The following TRPM3 variants were observed in gnomAD, a reference collection of about 807,000 sequenced individuals.
The protein encoded by TRPM3 is long transient receptor potential channel 3.
Under a neutral mutation model 181.2 loss-of-function variants are expected in TRPM3, and 77 were observed. The observed-to-expected ratio is 0.42, with a 90% CI of 0.35 to 0.51. The LOEUF (loss-of-function observed/expected upper bound fraction) is 0.51. Among genes scored for constraint, TRPM3 ranks in the 20% least tolerant of loss-of-function variants. TRPM3 has a pLI of 0.01. For synonymous variants in TRPM3, 745 were observed against 796.4 expected, an observed-to-expected ratio of 0.94 and a Z score of 1.09; for missense variants, 1,759 against 2,196.7, an observed-to-expected ratio of 0.80 and a Z score of 3.98.
rs912708271 is a variant in TRPM3 at position 71,406,111 on chromosome 9, T to C, written c.183+40542A>G. ...TAACATGGTGAAACCCTGTTTCTAC[T>C]AAAAATACAACAACAACACAAAAGT... On this transcript the variant is annotated intron_variant, in intron 1 of 24. Coordinates refer to the TRPM3 transcript ENST00000357533. Among the ~76,000 whole-genome samples, 10 of 152,276 alleles carry C rather than the reference T, an allele frequency of 6.6e-5. 1 individual carries two copies. In the South Asian group the frequency reaches 1.5e-3, roughly 22 times the overall value.
At chr9:71,420,580 GAGAA>G (rs1021475123) in intron 1 of TRPM3, among the ~76,000 whole-genome samples, 8 of 131,570 alleles carry the variant, frequency 6.1e-5, no homozygotes, top group East Asian at 2.2e-4. Flanking sequence ...AGAAGAGAAA[GAGAA>G]AGAAAAAGAG....
intron 1 of TRPM3, among the ~76,000 whole-genome samples, chr9:70,956,837 G>A (rs983264102): frequency 1.3e-4 from 19 of 150,960 alleles, no homozygotes; most frequent in African/African-American, 4.4e-4. Flanking sequence ...AGTGAGCTGT[G>A]ATCACACCAA....
At chr9:71,311,488 G>A (rs2132401759) in intron 1 of TRPM3, among the ~76,000 whole-genome samples, 1 of 152,242 alleles carries the variant, frequency 6.6e-6, no homozygotes, top group South Asian at 2.1e-4. Flanking sequence ...CTTTGGCTAA[G>A]GAGCAAAGGC....
At chr9:71,439,415 C>T (rs1279595750) in intron 1 of TRPM3, among the ~76,000 whole-genome samples, 1 of 152,188 alleles carries the variant, frequency 6.6e-6, no homozygotes, top group Non-Finnish European at 1.5e-5. Context: ...CATCAATACA[C>T]TTAATGTTCA....
At chr9:70,869,896 G>A (rs993771437) in intron 1 of TRPM3, among the ~76,000 whole-genome samples, 1 of 152,052 alleles carries the variant, frequency 6.6e-6, no homozygotes, top group Non-Finnish European at 1.5e-5. Context: ...TCATCCAAGA[G>A]TGAATATTTT....
At chr9:70,701,414 T>G (rs2072517090) in intron 8 of TRPM3, among the ~76,000 whole-genome samples, 1 of 152,146 alleles carries the variant, frequency 6.6e-6, no homozygotes, top group African/African-American at 2.4e-5. Flanking sequence ...GCCTCCCTGA[T>G]TTCTAATTGC....
intron 1 of TRPM3, among the ~76,000 whole-genome samples, chr9:71,145,870 T>C (rs1458684732): frequency 6.6e-6 from 1 of 151,688 alleles, no homozygotes; most frequent in African/African-American, 2.4e-5. Flanking sequence ...ACATTAAAAT[T>C]CCCCCCTCAT....
chr9:71,045,731 G>C (rs775913597), intron 1 of TRPM3, among the ~76,000 whole-genome samples: 1 of 152,162 alleles, frequency 6.6e-6, no homozygotes, highest in Non-Finnish European at 1.5e-5. Flanking sequence ...ATTGTGAAGA[G>C]TTCTAAACAC....
chr9:71,379,375 A>G (rs1365902360), intron 1 of TRPM3, among the ~76,000 whole-genome samples: 1 of 152,070 alleles, frequency 6.6e-6, no homozygotes, highest in African/African-American at 2.4e-5. Flanking sequence ...TCATTGCTTC[A>G]CAATCCTTTA....
intron 1 of TRPM3, among the ~76,000 whole-genome samples, chr9:71,035,501 G>A (rs2058070905): frequency 2.0e-5 from 3 of 152,200 alleles, no homozygotes; most frequent in African/African-American, 7.2e-5. Context: ...CAGATCACTT[G>A]AGGCCAGGAG....
chr9:71,425,658 C>T (rs1280522876), intron 1 of TRPM3, among the ~76,000 whole-genome samples: 1 of 152,116 alleles, frequency 6.6e-6, no homozygotes, highest in Non-Finnish European at 1.5e-5. Context: ...CAACTCTTCC[C>T]CTCACAACGC....
In TRPM3 at chr9:70,904,007, G is replaced by A. The variant is rs573831319; in HGVS notation, c.178-39496C>T. Among the ~76,000 whole-genome samples, 15 of 151,902 alleles carry A rather than the reference G, an allele frequency of 9.9e-5. No individual in the cohort carries two copies. In the East Asian group the frequency reaches 2.9e-3, roughly 29 times the overall value. Reference sequence around the variant, plus strand: ...GAAGACCAAGGCAGGAGGATCTCTCGAGCCTAGGAGTTTGAGACCAGCCTG... The same window carrying A: ...GAAGACCAAGGCAGGAGGATCTCTCAAGCCTAGGAGTTTGAGACCAGCCTG... On this transcript the variant is annotated intron_variant, in intron 1 of 25. Coordinates refer to ENST00000677713, the MANE Select transcript of TRPM3 (RefSeq NM_001366145.2).
chr9:71,124,381 A>G (rs2073906383), upstream of TRPM3, among the ~76,000 whole-genome samples: 1 of 152,104 alleles, frequency 6.6e-6, no homozygotes, highest in African/African-American at 2.4e-5. Flanking sequence ...GTGCTTACTT[A>G]TAAATCTTAT....
Position 70,917,971 on chromosome 9 carries a change from GA to G in TRPM3, c.178-53461del, listed in dbSNP as rs889537644. On this transcript the variant is annotated intron_variant, in intron 1 of 25. Coordinates refer to ENST00000677713, the MANE Select transcript of TRPM3 (RefSeq NM_001366145.2). Reference sequence around the variant, plus strand: ...TGGAAAAAGATATTTCATGCCAAAGGAAAAAAAAAAGAGAGCAGGAGTAGGT... The same window carrying G: ...TGGAAAAAGATATTTCATGCCAAAGGAAAAAAAAAGAGAGCAGGAGTAGGT... Among the ~76,000 whole-genome samples the G allele has an allele frequency of 2.5e-4, 36 of 144,980 alleles. No individual in the cohort carries two copies. In the East Asian group the frequency reaches 4.4e-3, roughly 18 times the overall value.
intron 6 of TRPM3, 182 bp downstream of exon 6, chr9:70,827,665 A>T: frequency 1.6e-6 from 1 of 631,718 alleles, no homozygotes; most frequent in South Asian, 2.5e-5. Context: ...ATTACTTCTT[A>T]CGCCTCCAAT....
chr9:71,420,369 T>C (rs1174921561), intron 1 of TRPM3, among the ~76,000 whole-genome samples: 1 of 151,846 alleles, frequency 6.6e-6, no homozygotes, highest in Non-Finnish European at 1.5e-5. Flanking sequence ...TGATAATGTT[T>C]GGGGGAAATG....
At chr9:70,832,452 C>T (rs983284187) in intron 5 of TRPM3, among the ~76,000 whole-genome samples, 6 of 152,052 alleles carry the variant, frequency 3.9e-5, no homozygotes, top group Non-Finnish European at 4.4e-5. Flanking sequence ...GAATTCTTGC[C>T]TCATTAATCC....
intron 1 of TRPM3, among the ~76,000 whole-genome samples, chr9:70,923,067 G>C (rs1464202938): frequency 6.6e-6 from 1 of 151,902 alleles, no homozygotes; most frequent in African/African-American, 2.4e-5. Flanking sequence ...GGACTATTGG[G>C]CCTATTATAA....
chr9:70,672,989 T>A (rs182853752), intron 9 of TRPM3, among the ~76,000 whole-genome samples: 13 of 152,272 alleles, frequency 8.5e-5, no homozygotes, highest in Admixed American at 7.8e-4. Flanking sequence ...TGTGGCTTTG[T>A]AAAGCCAGGG....
Sources: allele counts gnomAD v4.1 joint callset (sites outside exome capture counted in the v4.1 genomes callset), GRCh38; gene constraint gnomAD v4.1.1; transcripts MANE v1.5; gene names NCBI Gene and HGNC (gene_info 2026-07-23, HGNC 2026-07-21).